The following NRG3 variants were observed in gnomAD, a reference collection of about 807,000 sequenced individuals.
NRG3 encodes neuregulin 3.
In NRG3, 31 loss-of-function variants were observed where a neutral mutation model predicts 66.9. That is an observed-to-expected ratio of 0.46 (90% CI 0.35 to 0.63). NRG3 has a LOEUF of 0.63. Among genes scored for constraint, NRG3 ranks in the 20% least tolerant of loss-of-function variants. The pLI, the probability that NRG3 is intolerant of heterozygous loss-of-function variation, is 0.00. For missense variants in NRG3, 910 were observed against 878.9 expected, an observed-to-expected ratio of 1.04 and a Z score of -0.45; for synonymous variants, 393 against 359.4, an observed-to-expected ratio of 1.09 and a Z score of -1.06.
At chr10:82,597,665 G>A (rs1290028197) in intron 2 of NRG3, among the ~76,000 whole-genome samples, 5 of 152,186 alleles carry the variant, frequency 3.3e-5, no homozygotes, top group African/African-American at 1.2e-4. Context: ...GCTCATGCCT[G>A]TAATCCCAGC....
intron 2 of NRG3, among the ~76,000 whole-genome samples, chr10:82,468,843 G>C (rs1840951605): frequency 6.6e-6 from 1 of 151,768 alleles, no homozygotes; most frequent in Non-Finnish European, 1.5e-5. Context: ...ATTGAGAGGA[G>C]AGAGAGAGAG....
chr10:82,707,774 T>C (rs2056402829), intron 2 of NRG3, among the ~76,000 whole-genome samples: 1 of 142,248 alleles, frequency 7.0e-6, no homozygotes, highest in African/African-American at 2.6e-5. Flanking sequence ...TTTGGGAGGC[T>C]GAGGTGTGTG....
intron 1 of NRG3, among the ~76,000 whole-genome samples, chr10:81,918,974 A>AACAC (rs542060517): frequency 0.11 from 17,189 of 150,104 alleles, 1,539 homozygotes; most frequent in African/African-American, 0.25. Context: ...ATCATAACAA[A>AACAC]ACACACACAC....
intron 1 of NRG3, among the ~76,000 whole-genome samples, chr10:81,912,558 C>T (rs1220193924): frequency 2.6e-5 from 4 of 152,172 alleles, no homozygotes; most frequent in Non-Finnish European, 4.4e-5. Context: ...TATTCTAAAA[C>T]GGCTTAATTC....
chr10:82,297,771 T>C (rs1485492253), intron 1 of NRG3, among the ~76,000 whole-genome samples: 1 of 152,192 alleles, frequency 6.6e-6, no homozygotes, highest in Non-Finnish European at 1.5e-5. Flanking sequence ...TATGTGCTAT[T>C]GCACTTTTTT....
chr10:82,365,258 A>G (rs1026810568), intron 2 of NRG3, among the ~76,000 whole-genome samples: 1 of 152,294 alleles, frequency 6.6e-6, no homozygotes, highest in South Asian at 2.1e-4. Flanking sequence ...CCTGAATTCC[A>G]TCGACAGGAG....
intron 3 of NRG3, among the ~76,000 whole-genome samples, chr10:82,840,910 T>C (rs1286327185): frequency 1.3e-5 from 2 of 152,154 alleles, no homozygotes; most frequent in African/African-American, 4.8e-5. Context: ...CTGTATCCCC[T>C]AAAAAGACAT....
At chr10:82,077,559 C>T (rs2065157160) in intron 1 of NRG3, among the ~76,000 whole-genome samples, 1 of 152,116 alleles carries the variant, frequency 6.6e-6, no homozygotes, top group African/African-American at 2.4e-5. Context: ...TTGCTCTTGG[C>T]TTATACTTTC....
At chr10:82,841,120 T>G (rs2063034705) in intron 3 of NRG3, among the ~76,000 whole-genome samples, 1 of 152,064 alleles carries the variant, frequency 6.6e-6, no homozygotes, top group South Asian at 2.1e-4. Context: ...AGGCATGGAC[T>G]GGAGTTATGC....
intron 1 of NRG3, among the ~76,000 whole-genome samples, chr10:82,008,966 A>G (rs2061477301): frequency 6.6e-6 from 1 of 152,286 alleles, no homozygotes; most frequent in African/African-American, 2.4e-5. Context: ...TGTCAGTCTC[A>G]TGAAATGAAG....
intron 2 of NRG3, among the ~76,000 whole-genome samples, chr10:82,600,235 G>T (rs2047535795): frequency 6.6e-6 from 1 of 152,012 alleles, no homozygotes; most frequent in Non-Finnish European, 1.5e-5. Flanking sequence ...CTAGAAATCT[G>T]CACTCAAGTG....
At chr10:82,599,190 A>G (rs2047467447) in intron 2 of NRG3, among the ~76,000 whole-genome samples, 1 of 152,234 alleles carries the variant, frequency 6.6e-6, no homozygotes, top group Non-Finnish European at 1.5e-5. Context: ...ACAGAAGGAG[A>G]CAAGGCCAGT....
intron 3 of NRG3, among the ~76,000 whole-genome samples, chr10:82,851,737 G>T (rs966666851): frequency 6.6e-6 from 1 of 151,872 alleles, no homozygotes; most frequent in Non-Finnish European, 1.5e-5. Context: ...AAGCTATATA[G>T]TTTTTTTCTT....
chr10:82,683,828 G>A (rs1209645811), intron 2 of NRG3, among the ~76,000 whole-genome samples: 3 of 152,176 alleles, frequency 2.0e-5, no homozygotes, highest in Non-Finnish European at 4.4e-5. Flanking sequence ...ACAGTTAAGA[G>A]CTAGAGCTAG....
intron 2 of NRG3, 72 bp downstream of exon 2, chr10:82,358,940 ATCTGGTATGTG>A: frequency 6.2e-7 from 1 of 1,600,894 alleles, no homozygotes; most frequent in Non-Finnish European, 8.5e-7. Context: ...TGCTGGCAGC[ATCTGGTATGTG>A]TCATATCCGG....
chr10:82,200,077 A>G (rs1390410392), intron 1 of NRG3, among the ~76,000 whole-genome samples: 1 of 152,162 alleles, frequency 6.6e-6, no homozygotes, highest in African/African-American at 2.4e-5. Flanking sequence ...TTTTTCAACA[A>G]ATTTTTATTG....
intron 1 of NRG3, among the ~76,000 whole-genome samples, chr10:81,922,693 A>G (rs994244696): frequency 1.1e-4 from 17 of 152,160 alleles, no homozygotes; most frequent in African/African-American, 2.9e-4. Context: ...AGTTGATGCT[A>G]GATTCTTGAT....
chr10:82,266,867 A>G (rs1043061142), intron 1 of NRG3, among the ~76,000 whole-genome samples: 7 of 152,154 alleles, frequency 4.6e-5, no homozygotes, highest in East Asian at 1.9e-4. Context: ...CTGAATTTCT[A>G]TGTATTCCCT....
chr10:82,024,043 G>C (rs78188634), intron 1 of NRG3, among the ~76,000 whole-genome samples: 1 of 152,004 alleles, frequency 6.6e-6, no homozygotes, highest in African/African-American at 2.4e-5. Flanking sequence ...TTATTGGCTT[G>C]TTGAGGTTTT....
Sources: gnomAD v4.1 joint callset for allele counts (sites outside exome capture counted in the v4.1 genomes callset) on GRCh38, gnomAD v4.1.1 for gene constraint, MANE v1.5 for transcripts, NCBI Gene and HGNC (gene_info 2026-07-23, HGNC 2026-07-21) for gene names.